VAV3: variants seen among roughly 807,000 people sequenced by gnomAD.
VAV3 encodes vav guanine nucleotide exchange factor 3.
In VAV3, 94 loss-of-function variants were observed where a neutral mutation model predicts 131.2. The ratio of observed to expected loss-of-function variants is 0.72; its 90% confidence interval spans 0.61 to 0.85. The LOEUF (loss-of-function observed/expected upper bound fraction) is 0.85. Ranked by LOEUF, VAV3 falls within the 40% of genes least tolerant of loss-of-function variation. The probability of loss-of-function intolerance (pLI) is 0.00; values close to 1 mark genes in which losing one functional copy is unlikely to be tolerated. For synonymous variants in VAV3, 349 were observed against 342.0 expected (o/e 1.02, Z -0.22); for missense variants, 939 against 1,002.7 (o/e 0.94, Z 0.86).
intron 15 of VAV3, among the ~76,000 whole-genome samples, chr1:107,724,695 T>C (rs1661720318): frequency 6.6e-6 from 1 of 152,088 alleles, no homozygotes; most frequent in South Asian, 2.1e-4. Flanking sequence ...AGATGTTCCC[T>C]AGCACACCTC....
At chr1:107,848,391 T>C (rs1669069560) in intron 2 of VAV3, among the ~76,000 whole-genome samples, 1 of 151,544 alleles carries the variant, frequency 6.6e-6, no homozygotes, top group African/African-American at 2.4e-5. Flanking sequence ...TCAAGTCAGT[T>C]TCATCCCTGG....
chr1:107,652,984 T>G (rs1017708023), intron 19 of VAV3, among the ~76,000 whole-genome samples: 1 of 152,002 alleles, frequency 6.6e-6, no homozygotes, highest in Admixed American at 6.6e-5. Context: ...ACCCAACTTT[T>G]TTATTTCCTA....
At chr1:107,663,614 C>T (rs1657197320) in intron 19 of VAV3, among the ~76,000 whole-genome samples, 1 of 152,130 alleles carries the variant, frequency 6.6e-6, no homozygotes, top group South Asian at 2.1e-4. Context: ...GTGGTCAGAG[C>T]TTCAAAGAAA....
chr1:107,795,086 T>C (rs1415145272), intron 2 of VAV3, among the ~76,000 whole-genome samples: 2 of 152,184 alleles, frequency 1.3e-5, no homozygotes, highest in African/African-American at 4.8e-5. Flanking sequence ...TCAGAGGTAT[T>C]TGGGGGCCAC....
chr1:107,911,853 T>C (rs1274513782), intron 1 of VAV3, among the ~76,000 whole-genome samples: 1 of 152,248 alleles, frequency 6.6e-6, no homozygotes, highest in Non-Finnish European at 1.5e-5. Flanking sequence ...ACAGGTCCTT[T>C]AGATTCCTCT....
At chr1:107,693,013 A>C (rs955646477) in intron 17 of VAV3, among the ~76,000 whole-genome samples, 3 of 152,142 alleles carry the variant, frequency 2.0e-5, no homozygotes, top group African/African-American at 7.2e-5. Flanking sequence ...AAATGTCCAT[A>C]AAGATTGCTG....
At chr1:107,892,341 C>A (rs760534001) in intron 1 of VAV3, among the ~76,000 whole-genome samples, 24 of 152,136 alleles carry the variant, frequency 1.6e-4, no homozygotes, top group Non-Finnish European at 2.6e-4. Flanking sequence ...GTACTAGGTA[C>A]CACTTTAAGC....
intron 1 of VAV3, among the ~76,000 whole-genome samples, chr1:107,955,941 G>A (rs1434214703): frequency 6.6e-6 from 1 of 152,176 alleles, no homozygotes; most frequent in African/African-American, 2.4e-5. Context: ...CACACCCAAT[G>A]TTCATCCACA....
At chr1:107,670,556 G>C (rs547808342) in intron 19 of VAV3, among the ~76,000 whole-genome samples, 1 of 151,666 alleles carries the variant, frequency 6.6e-6, no homozygotes, top group Non-Finnish European at 1.5e-5. Context: ...CTTGTGCTTC[G>C]ATGGTGATTA....
At chr1:107,666,665 G>A (rs1657433016) in intron 19 of VAV3, among the ~76,000 whole-genome samples, 1 of 151,862 alleles carries the variant, frequency 6.6e-6, no homozygotes, top group Non-Finnish European at 1.5e-5. Flanking sequence ...TGCCTCCTGG[G>A]TTCAAGCAAT....
intron 7 of VAV3, 32 bp downstream of exon 7, chr1:107,768,409 A>G (rs1164952335): frequency 6.4e-7 from 1 of 1,557,232 alleles, no homozygotes. Context: ...ATTGAAGTAC[A>G]CCACAATTTT....
At chr1:107,918,442 T>A (rs1398883336) in intron 1 of VAV3, among the ~76,000 whole-genome samples, 2 of 152,084 alleles carry the variant, frequency 1.3e-5, no homozygotes, top group Non-Finnish European at 2.9e-5. Flanking sequence ...GTTTCAAAAA[T>A]GTAAACCTGG....
intron 15 of VAV3, among the ~76,000 whole-genome samples, chr1:107,707,104 T>C (rs1041527324): frequency 2.0e-5 from 3 of 152,210 alleles, no homozygotes; most frequent in African/African-American, 7.2e-5. Flanking sequence ...GAAAATATTG[T>C]TAACAGTAGC....
intron 17 of VAV3, 97 bp downstream of exon 17, chr1:107,704,453 C>CA: frequency 1.2e-6 from 1 of 861,106 alleles, no homozygotes; most frequent in East Asian, 2.6e-5. Flanking sequence ...AGATATGTTA[C>CA]AATAAACACA....
intron 20 of VAV3, among the ~76,000 whole-genome samples, chr1:107,623,145 G>C (rs750792789): frequency 6.6e-6 from 1 of 152,134 alleles, no homozygotes; most frequent in African/African-American, 2.4e-5. Context: ...AGTATCATAG[G>C]ATGTGTCATC....
chr1:107,753,067 T>C (rs989275963), intron 12 of VAV3, among the ~76,000 whole-genome samples: 5 of 152,034 alleles, frequency 3.3e-5, no homozygotes, highest in African/African-American at 1.2e-4. Flanking sequence ...TGTTCATCAA[T>C]GAAAAACAGT....
chr1:107,599,372 A>G (rs764564229), intron 24 of VAV3, among the ~76,000 whole-genome samples: 6 of 152,264 alleles, frequency 3.9e-5, no homozygotes, highest in Non-Finnish European at 8.8e-5. Flanking sequence ...CAACAAGTAA[A>G]TAAGAAGACT....
chr1:107,942,360 T>C (rs1440419973), intron 1 of VAV3, among the ~76,000 whole-genome samples: 1 of 152,166 alleles, frequency 6.6e-6, no homozygotes, highest in Non-Finnish European at 1.5e-5. Context: ...TTACTCAGTG[T>C]ACAAAATGCA....
intron 20 of VAV3, among the ~76,000 whole-genome samples, chr1:107,624,667 T>C (rs1426340495): frequency 6.6e-6 from 1 of 152,126 alleles, no homozygotes; most frequent in Non-Finnish European, 1.5e-5. Flanking sequence ...ATTTTAATCA[T>C]AACTAATTAC....
Sources: allele counts gnomAD v4.1 joint callset (sites outside exome capture counted in the v4.1 genomes callset), GRCh38; gene constraint gnomAD v4.1.1; transcripts MANE v1.5; gene names NCBI Gene and HGNC (gene_info 2026-07-23, HGNC 2026-07-21).